Variants in USP30 observed in about 807,000 individuals in gnomAD.
The protein encoded by USP30 is ubiquitin carboxyl-terminal hydrolase 30.
USP30 carries 41 observed loss-of-function variants against 68.2 expected under a neutral mutation model. The ratio of observed to expected loss-of-function variants is 0.60; its 90% CI spans 0.47 to 0.78. The LOEUF (loss-of-function observed/expected upper bound fraction) is 0.78. Among genes scored for constraint, USP30 ranks in the 30% least tolerant of loss-of-function variants. USP30 has a pLI of 0.00. For missense variants in USP30, 522 were observed against 649.4 expected (o/e 0.80, Z 2.13); for synonymous variants, 229 against 253.7 (o/e 0.90, Z 0.93).
chr12:109,083,128 C>A, intron 11 of USP30, 66 bp downstream of exon 11: 2 of 1,482,382 alleles, frequency 1.3e-6, no homozygotes, highest in Admixed American at 2.1e-5. Flanking sequence ...TTTGGCATCA[C>A]CACCTTCTGG....
intron 12 of USP30, among the ~76,000 whole-genome samples, chr12:109,085,403 T>C (rs1397625014): frequency 6.6e-6 from 1 of 152,218 alleles, no homozygotes; most frequent in African/African-American, 2.4e-5. Flanking sequence ...TATAAAGTTG[T>C]ACATCACACA....
intron 3 of USP30, among the ~76,000 whole-genome samples, chr12:109,061,409 A>AT (rs2041061719): frequency 1.4e-5 from 2 of 147,194 alleles, no homozygotes; most frequent in African/African-American, 5.1e-5. Flanking sequence ...AAAAAAAAAA[A>AT]ATTTTTTTTT....
chr12:109,039,427 G>C (rs1043033217), intron 3 of USP30, among the ~76,000 whole-genome samples: 2 of 152,114 alleles, frequency 1.3e-5, no homozygotes, highest in Non-Finnish European at 2.9e-5. Flanking sequence ...CTAGTCATTT[G>C]ACCTTAGATA....
Position 109,082,192 on chromosome 12 carries a change from C to T in USP30, c.867+173C>T, listed in dbSNP as rs372795932. On this transcript the variant is annotated intron_variant, in intron 9 of 12. Transcript: ENST00000257548. Reference sequence around the variant, plus strand: ...GCAGCTCATGGACCAAATCTCTTTCCCAGATGAGTTTTGTTTCATGCACAG... The same window carrying T: ...GCAGCTCATGGACCAAATCTCTTTCTCAGATGAGTTTTGTTTCATGCACAG... Among the ~76,000 whole-genome samples the T allele has an allele frequency of 8.5e-5, 13 of 152,318 alleles. No individual in the cohort carries two copies. In the South Asian group the frequency reaches 2.3e-3, roughly 27 times the overall value.
chr12:109,081,838 C>A, intron 8 of USP30, 95 bp from the exon 9 acceptor site: 2 of 1,267,878 alleles, frequency 1.6e-6, no homozygotes, highest in Non-Finnish European at 2.3e-6. Flanking sequence ...CTGCATACAT[C>A]AAAATAAAGC....
intron 2 of USP30, 142 bp downstream of exon 2, chr12:109,056,933 C>T (rs1343256384): frequency 3.8e-6 from 2 of 526,334 alleles, no homozygotes; most frequent in Non-Finnish European, 6.5e-6. Flanking sequence ...TCAAACAGTA[C>T]TTTTACCGTT....
intron 3 of USP30, among the ~76,000 whole-genome samples, chr12:109,060,376 T>C (rs778148608): frequency 6.6e-6 from 1 of 152,224 alleles, no homozygotes; most frequent in Non-Finnish European, 1.5e-5. Context: ...GAAAATTGGA[T>C]TTAAAAAACA....
At chr12:109,081,618 T>TGCGCGC (rs373152566) in intron 8 of USP30, 227 of 503,000 alleles carry the variant, frequency 4.5e-4, no homozygotes, top group South Asian at 3.8e-3. Context: ...CACGCACGCA[T>TGCGCGC]GCGCGCACAC....
intron 1 of USP30, among the ~76,000 whole-genome samples, chr12:109,023,662 C>G (rs1189669289): frequency 4.8e-5 from 5 of 103,624 alleles, no homozygotes; most frequent in South Asian, 4.0e-4. Flanking sequence ...GAGACAGAGT[C>G]TCTCTCTGTC....
At chr12:109,067,483 G>A (rs769755370) in intron 3 of USP30, 41 bp from the exon 4 acceptor site, 1 of 1,556,140 alleles carries the variant, frequency 6.4e-7, no homozygotes, top group South Asian at 1.1e-5. Flanking sequence ...TAGTTGTTAT[G>A]CTGATGAATT....
At chr12:109,081,768 G>C in intron 8 of USP30, 165 bp from the exon 9 acceptor site, 2 of 690,384 alleles carry the variant, frequency 2.9e-6, no homozygotes, top group Non-Finnish European at 2.5e-6. Context: ...GCAGTCTAGG[G>C]TGCTTTGAGC....
At chr12:109,043,316 G>T (rs930332079) in intron 3 of USP30, among the ~76,000 whole-genome samples, 8 of 152,110 alleles carry the variant, frequency 5.3e-5, no homozygotes, top group Non-Finnish European at 8.8e-5. Flanking sequence ...TAGGCTGAAG[G>T]ACTCACTCTT....
chr12:109,055,915 T>C (rs1014499034), intron 1 of USP30, among the ~76,000 whole-genome samples: 3 of 151,710 alleles, frequency 2.0e-5, no homozygotes, highest in African/African-American at 7.3e-5. Flanking sequence ...TAGAAACATG[T>C]CAAGGGGACA....
intron 9 of USP30, 143 bp from the exon 10 acceptor site, chr12:109,082,520 C>T: frequency 1.4e-6 from 1 of 712,314 alleles, no homozygotes; most frequent in South Asian, 1.9e-5. Flanking sequence ...AAACAATTCA[C>T]AAATAACTGG....
At chr12:109,077,241 C>T (rs1359748522) in intron 7 of USP30, among the ~76,000 whole-genome samples, 1 of 152,200 alleles carries the variant, frequency 6.6e-6, no homozygotes, top group Non-Finnish European at 1.5e-5. Context: ...ATACTAGCCT[C>T]ATAAAATAGG....
intron 3 of USP30, among the ~76,000 whole-genome samples, chr12:109,031,116 G>A (rs1593219483): frequency 6.6e-6 from 1 of 151,746 alleles, no homozygotes; most frequent in East Asian, 1.9e-4. Flanking sequence ...ACATACTTTT[G>A]AGCCATCTTA....
At chr12:109,071,358 G>C (rs2041434524) in intron 4 of USP30, among the ~76,000 whole-genome samples, 1 of 152,208 alleles carries the variant, frequency 6.6e-6, no homozygotes, top group African/African-American at 2.4e-5. Flanking sequence ...GAAACAGAAT[G>C]GTCTCATAGA....
Position 109,072,415 on chromosome 12 carries a change from C to T in USP30, c.625+65C>T, listed in dbSNP as rs1296744087. On this transcript the variant is annotated intron_variant, in intron 6 of 12. Coordinates refer to ENST00000257548, the MANE Select transcript of USP30 (RefSeq NM_032663.5). Reference sequence around the variant, plus strand: ...ACTTTTAAGATATGATAATAATTTGCTTGTTTTAAAAAGATTTTTTTCTGG... The same window carrying T: ...ACTTTTAAGATATGATAATAATTTGTTTGTTTTAAAAAGATTTTTTTCTGG... 7.2e-6 allele frequency: 11 copies of T among 1,535,306 alleles called. No individual in the cohort carries two copies. The Admixed American group carries it at 1.7e-4, about 24-fold the overall frequency.
At chr12:109,077,099 T>C (rs970167454) in intron 7 of USP30, among the ~76,000 whole-genome samples, 2 of 152,214 alleles carry the variant, frequency 1.3e-5, no homozygotes, top group African/African-American at 2.4e-5. Flanking sequence ...TGATGCTTTA[T>C]TGTTTTTATA....
Sources: gnomAD v4.1 joint callset for allele counts (sites outside exome capture counted in the v4.1 genomes callset) on GRCh38, gnomAD v4.1.1 for gene constraint, MANE v1.5 for transcripts, NCBI Gene and HGNC (gene_info 2026-07-23, HGNC 2026-07-21) for gene names.